The following ZNF273 variants were observed in gnomAD, a reference collection of about 807,000 sequenced individuals.
ZNF273 encodes zinc finger protein 273, also known as zinc finger protein 9.
ZNF273 carries 11 observed loss-of-function variants against 14.9 expected under a neutral mutation model. That is an observed-to-expected ratio of 0.74 (90% CI 0.46 to 1.22). The LOEUF (loss-of-function observed/expected upper bound fraction) is 1.22. Ranked by LOEUF, ZNF273 falls within the 50% of genes most tolerant of loss-of-function variation. ZNF273 has a pLI of 0.00. For missense variants in ZNF273, 577 were observed against 660.6 expected (o/e 0.87, Z 1.39); for synonymous variants, 199 against 223.9 (o/e 0.89, Z 0.99).
At chr7:64,923,337 G>A in intron 3 of ZNF273, 1 of 455,400 alleles carries the variant, frequency 2.2e-6, no homozygotes, top group Non-Finnish European at 4.4e-6. Flanking sequence ...GTGTGTGTGT[G>A]TGTTTTTTTA....
At chr7:64,909,263 C>T (rs537974285) in intron 1 of ZNF273, among the ~76,000 whole-genome samples, 6 of 150,390 alleles carry the variant, frequency 4.0e-5, no homozygotes, top group South Asian at 2.1e-4. Context: ...CTCCCTCTGT[C>T]GCCCAGACTG....
At chr7:64,893,682 TC>T (rs1792179170), downstream of ZNF273, 2 of 68,320 alleles carry the variant, frequency 2.9e-5, no homozygotes, top group Non-Finnish European at 5.6e-5. Context: ...TCCCCACCCC[TC>T]CCCTCCCCCT....
chr7:64,935,621 C>G (rs970691215), downstream of ZNF273, among the ~76,000 whole-genome samples: 17 of 152,058 alleles, frequency 1.1e-4, no homozygotes, highest in African/African-American at 4.1e-4. Context: ...CTCCCGGGTG[C>G]AAGCTATTCT....
chr7:64,905,634 A>G (rs1176405075), intron 1 of ZNF273, among the ~76,000 whole-genome samples: 1 of 152,134 alleles, frequency 6.6e-6, no homozygotes, highest in African/African-American at 2.4e-5. Flanking sequence ...AACTTACTCC[A>G]GTGAGATGGT....
At position 64,928,000 on chromosome 7, in the gene ZNF273, T is replaced by G. The variant is rs1157019973; in HGVS notation, c.672T>G (p.His224Gln). ...SCCILSQLTQ[H>Q]KKTATRVNFY... ...GCATACTTTCACAACTAACTCAGCA[T>G]AAGAAAACTGCTACTAGAGTGAATT... The change falls in exon 4 of 4, where the codon CAT becomes CAG. Residue 224 changes from histidine (H) to glutamine (Q), a missense_variant. Physicochemically the swap from His to Gln is conservative, Grantham distance 24. This residue lies in a region of ZNF273 where 411 missense variants were observed against 440.4 expected (regional missense o/e 0.93). Coordinates refer to ENST00000476120, the MANE Select transcript of ZNF273 (RefSeq NM_021148.3). The G allele has an allele frequency of 2.5e-6, 4 of 1,613,902 alleles. No homozygotes were observed. In the African/African-American group the frequency reaches 5.3e-5, roughly 22 times the overall value.
At chr7:64,886,289 C>G (rs1791574794) in intron 1 of ZNF273, among the ~76,000 whole-genome samples, 1 of 152,172 alleles carries the variant, frequency 6.6e-6, no homozygotes, top group Admixed American at 6.5e-5. Context: ...GGGAAGGTTA[C>G]TTCACCTTAC....
At chr7:64,913,948 T>A (rs1793756139) in intron 1 of ZNF273, among the ~76,000 whole-genome samples, 1 of 152,012 alleles carries the variant, frequency 6.6e-6, no homozygotes, top group Non-Finnish European at 1.5e-5. Context: ...TGTTTAATGT[T>A]CTTGGTGGAA....
chr7:64,934,268 C>T (rs1377213660), downstream of ZNF273, among the ~76,000 whole-genome samples: 1 of 151,898 alleles, frequency 6.6e-6, no homozygotes, highest in Non-Finnish European at 1.5e-5. Flanking sequence ...CCATTTTTTA[C>T]TTTTCTTGTC....
At chr7:64,901,037 C>T (rs1448135106), upstream of ZNF273, among the ~76,000 whole-genome samples, 4 of 150,962 alleles carry the variant, frequency 2.6e-5, no homozygotes, top group South Asian at 4.2e-4. Flanking sequence ...GAGTCTTGCT[C>T]TATCTCCCAG....
chr7:64,922,575 G>A (rs1794549258), intron 3 of ZNF273, among the ~76,000 whole-genome samples: 1 of 151,902 alleles, frequency 6.6e-6, no homozygotes. Context: ...GCCTCCCAAA[G>A]TGCTGGGATT....
At chr7:64,891,447 G>A (rs1309687963), downstream of ZNF273, among the ~76,000 whole-genome samples, 1 of 152,206 alleles carries the variant, frequency 6.6e-6, no homozygotes, top group African/African-American at 2.4e-5. Context: ...GCCTAGGCCT[G>A]GGTATGATTG....
chr7:64,928,762 A>G lies in ZNF273; in HGVS notation c.1434A>G (p.Arg478=), dbSNP rs757955902. 1 of 1,613,448 alleles carries G rather than the reference A, an allele frequency of 6.2e-7. No homozygotes were observed. The highest frequency in any genetic ancestry group is 1.3e-5 in the African/African-American group (1 of 74,952). ...RAFSTLTEHK[R]VHTGEKPYKC... is the part of the protein sequence containing the mutation. ...TCTCAACCCTTACTGAACATAAGAG[A>G]GTTCATACTGGAGAGAAACCTTACA... is the stretch of plus-strand genomic sequence containing the variant. The change falls in exon 4 of 4, where the codon AGA becomes AGG. Residue 478 remains arginine (R), a synonymous_variant. Transcript: ENST00000476120.
intron 1 of ZNF273, among the ~76,000 whole-genome samples, chr7:64,909,715 G>A (rs1433227907): frequency 1.3e-5 from 2 of 152,030 alleles, no homozygotes; most frequent in Non-Finnish European, 2.9e-5. Context: ...TGAATCAAAT[G>A]GTAATTTTGA....
downstream of ZNF273, among the ~76,000 whole-genome samples, chr7:64,894,590 GT>G (rs1792248484): frequency 1.0e-5 from 1 of 100,056 alleles, no homozygotes; most frequent in Non-Finnish European, 2.1e-5. Flanking sequence ...TGTCACAACA[GT>G]AAAAAAAAAA....
intron 3 of ZNF273, among the ~76,000 whole-genome samples, chr7:64,918,587 G>T (rs959910176): frequency 2.0e-5 from 3 of 146,680 alleles, no homozygotes; most frequent in African/African-American, 7.6e-5. Context: ...CTTGAACCAG[G>T]GAGGCGGAGG....
chr7:64,903,174 C>G, upstream of ZNF273: 1 of 640,388 alleles, frequency 1.6e-6, no homozygotes, highest in South Asian at 1.9e-5. Flanking sequence ...GGGGCGGGTC[C>G]TTAAACATCC....
At chr7:64,903,760 G>A (rs936314049) in intron 1 of ZNF273, among the ~76,000 whole-genome samples, 5 of 152,186 alleles carry the variant, frequency 3.3e-5, no homozygotes, top group African/African-American at 1.2e-4. Context: ...GGGGTTCCCA[G>A]ACCCTCCTTT....
chr7:64,903,121 C>G, upstream of ZNF273: 1 of 500,948 alleles, frequency 2.0e-6, no homozygotes, highest in Admixed American at 3.4e-5. Flanking sequence ...TATCTTCTTT[C>G]AGCCCAGCAA....
intron 3 of ZNF273, chr7:64,923,304 G>T (rs1208182398): frequency 2.2e-6 from 1 of 453,108 alleles, no homozygotes; most frequent in Non-Finnish European, 4.4e-6. Flanking sequence ...TGACAGTCCA[G>T]TTTTATTGTT....
Sources: allele counts gnomAD v4.1 joint callset (sites outside exome capture counted in the v4.1 genomes callset), GRCh38; gene constraint gnomAD v4.1.1; regional missense constraint gnomAD v4.1.1; transcripts MANE v1.5; gene names NCBI Gene and HGNC (gene_info 2026-07-23, HGNC 2026-07-21).